REV3L: variants seen among roughly 807,000 people sequenced by gnomAD.
REV3L encodes the protein DNA polymerase zeta catalytic subunit.
In REV3L, 69 loss-of-function variants were observed where a neutral mutation model predicts 299.4. The ratio of observed to expected loss-of-function variants is 0.23; its 90% CI spans 0.19 to 0.28. REV3L has a LOEUF of 0.28. REV3L is among the 10% of genes least tolerant of loss of function. REV3L has a pLI of 1.00. For synonymous variants in REV3L, 1,238 were observed against 1,271.4 expected (o/e 0.97, Z 0.56); for missense variants, 3,128 against 3,693.8 (o/e 0.85, Z 3.97).
At chr6:111,331,150 G>A in intron 24 of REV3L, 2 of 378,388 alleles carry the variant, frequency 5.3e-6, no homozygotes, top group Non-Finnish European at 7.3e-6. Flanking sequence ...AATTTGTAAA[G>A]TTTTCCTCTG....
At chr6:111,474,736 TA>T (rs1792701338) in intron 1 of REV3L, among the ~76,000 whole-genome samples, 1 of 152,256 alleles carries the variant, frequency 6.6e-6, no homozygotes, top group Admixed American at 6.5e-5. Context: ...CATTTGTTTG[TA>T]ACAACTATTA....
At chr6:111,442,744 T>A (rs1788415703) in intron 1 of REV3L, among the ~76,000 whole-genome samples, 1 of 152,266 alleles carries the variant, frequency 6.6e-6, no homozygotes, top group African/African-American at 2.4e-5. Context: ...TTCTGCCTTA[T>A]CAGTTGTCTT....
chr6:111,430,750 T>A, intron 1 of REV3L: 3 of 1,575,058 alleles, frequency 1.9e-6, no homozygotes, highest in South Asian at 1.1e-5. Flanking sequence ...TTAAAAGCAA[T>A]AATTTAGAGA....
At position 111,381,343 on chromosome 6, in the gene REV3L, T is replaced by C. The variant is rs1780811077; in HGVS notation, c.1198A>G (p.Ser400Gly). Residue 400 changes from serine (S) to glycine (G), a missense_variant, in exon 10 of 32, where the codon AGT becomes GGT. Physicochemically the swap from Ser to Gly is moderately conservative, Grantham distance 56. This residue lies in a region of REV3L where 2,409 missense variants were observed against 2,611.8 expected (regional missense o/e 0.92). Coordinates refer to ENST00000368802, the MANE Select transcript of REV3L (RefSeq NM_001372078.1). ...TACTTACTGAAAACAGGTGACTCAC[T>C]CAGTCTTTGGGTCAAAGGCTGAAAA... is the stretch of plus-strand genomic sequence containing the variant. ...QTFQPLTQRLSESPVFMDSSP... is the reference protein window; with the variant it reads ...QTFQPLTQRLGESPVFMDSSP... 2 of 1,613,596 alleles carry C rather than the reference T, an allele frequency of 1.2e-6. No homozygotes were observed. Among genetic ancestry groups the C allele is most frequent in the Non-Finnish European group, 1.7e-6 (2 of 1,179,842 alleles).
In REV3L at chr6:111,359,138, T is replaced by G. The variant is rs1778386642; in HGVS notation, c.6880-124A>C. On this transcript the variant is annotated intron_variant, in intron 16 of 31. Transcript: ENST00000368802. ...GAAAAAATGGACATAAAGGACAAAGTCACAGCTCAGCAGCACTCCATATAT... is the reference window on the plus strand; with the variant it reads ...GAAAAAATGGACATAAAGGACAAAGGCACAGCTCAGCAGCACTCCATATAT... The G allele has an allele frequency of 8.5e-6, 6 of 708,502 alleles. No homozygotes were observed. In the South Asian group the frequency reaches 1.6e-4, roughly 19 times the overall value. 43.9% of individuals were successfully genotyped at this position (708,502 alleles called of 1,614,324 possible).
At chr6:111,398,232 G>C (rs1285223250) in intron 4 of REV3L, among the ~76,000 whole-genome samples, 1 of 151,738 alleles carries the variant, frequency 6.6e-6, no homozygotes, top group Non-Finnish European at 1.5e-5. Flanking sequence ...CAAACTATAG[G>C]AATGTTCCCT....
intron 21 of REV3L, among the ~76,000 whole-genome samples, chr6:111,341,416 A>C (rs1290694504): frequency 1.3e-5 from 2 of 152,132 alleles, no homozygotes; most frequent in Non-Finnish European, 2.9e-5. Flanking sequence ...ACTTCACTTC[A>C]CTTCCCTGAG....
At chr6:111,434,594 G>A (rs374469370) in intron 1 of REV3L, among the ~76,000 whole-genome samples, 57 of 151,030 alleles carry the variant, frequency 3.8e-4, no homozygotes, top group African/African-American at 1.3e-3. Context: ...ACTCTAGCCT[G>A]GGCGACAGGG....
At chr6:111,464,177 T>C (rs1354413379) in intron 1 of REV3L, among the ~76,000 whole-genome samples, 1 of 152,056 alleles carries the variant, frequency 6.6e-6, no homozygotes, top group Non-Finnish European at 1.5e-5. Flanking sequence ...ACCAGCGAAC[T>C]GTGCAAGGAG....
rs557518809 is a variant in REV3L, at chr6:111,369,653, G to A, written c.5760-1625C>T. ...CAATATAATGTTAAGTGAAAAATTT[G>A]GATATAATACTGTGACTATAGTAAG... On this transcript the variant is annotated intron_variant, in intron 13 of 31. Transcript: ENST00000368802. Among the ~76,000 whole-genome samples the A allele has an allele frequency of 7.9e-4, 120 of 151,920 alleles. 1 individual carries two copies. The South Asian group carries it at 0.023, about 30-fold the overall frequency.
rs1208972895 is a variant in REV3L at position 111,455,396 on chromosome 6, C to A, written c.139+27354G>T. On this transcript the variant is annotated intron_variant, in intron 1 of 31. Transcript: ENST00000368802. ...TGAGGTACATACATTTGAGCAAGAGCAAGCAGTTCAGACTGAAAAGCAAAG... is the reference window on the plus strand; with the variant it reads ...TGAGGTACATACATTTGAGCAAGAGAAAGCAGTTCAGACTGAAAAGCAAAG... Among the ~76,000 whole-genome samples the A allele has an allele frequency of 4.6e-5, 7 of 152,126 alleles. No homozygotes were observed. In the East Asian group the frequency reaches 1.4e-3, roughly 29 times the overall value.
rs765440178 is a variant in REV3L, at chr6:111,374,283, T to C, written c.4072A>G (p.Ile1358Val). ...GATAAATGATTGGAAAGGTCAAATA[T>C]ATTTTTTTGAATTAACGTTGATTCC... ...LKESTLIQKN[I>V]FDLSNHLSQV... The change falls in exon 13 of 32, where the codon ATA (isoleucine) becomes GTA (valine). Residue 1358 changes from isoleucine to valine, a missense_variant. Transcript: ENST00000368802. The C allele has an allele frequency of 6.2e-7, 1 of 1,613,586 alleles. No homozygotes were observed.
intron 1 of REV3L, among the ~76,000 whole-genome samples, chr6:111,431,955 A>AG (rs1456462367): frequency 4.6e-5 from 7 of 152,142 alleles, no homozygotes; most frequent in Non-Finnish European, 1.0e-4. Context: ...GCGGGACCTG[A>AG]GGAAAAAAAA....
chr6:111,437,298 G>A (rs1486073601), intron 1 of REV3L, among the ~76,000 whole-genome samples: 2 of 152,110 alleles, frequency 1.3e-5, no homozygotes, highest in Non-Finnish European at 2.9e-5. Flanking sequence ...AATATTCATA[G>A]CAGCATTATT....
At position 111,446,456 on chromosome 6, in the gene REV3L, C is replaced by T. The variant is rs562537636; in HGVS notation, c.140-29984G>A. Among the ~76,000 whole-genome samples, 9 of 152,218 alleles carry T rather than the reference C, an allele frequency of 5.9e-5. No individual in the cohort carries two copies. The South Asian group carries it at 1.7e-3, about 28-fold the overall frequency. On this transcript the variant is annotated intron_variant, in intron 1 of 31. Coordinates refer to ENST00000368802, the MANE Select transcript of REV3L (RefSeq NM_001372078.1). ...GGCTGGCTCACGCTTACAATCCCAG[C>T]GCTTTGGGAGGCCGAGGCGGGTGGA...
At chr6:111,452,126 T>C (rs910554960) in intron 1 of REV3L, among the ~76,000 whole-genome samples, 2 of 150,704 alleles carry the variant, frequency 1.3e-5, no homozygotes, top group Non-Finnish European at 2.9e-5. Context: ...TCTTAGACCT[T>C]AGGGAAATGA....
At chr6:111,469,310 T>C (rs1484264909) in intron 1 of REV3L, among the ~76,000 whole-genome samples, 2 of 152,152 alleles carry the variant, frequency 1.3e-5, no homozygotes, top group Non-Finnish European at 2.9e-5. Flanking sequence ...CTAAGAATAA[T>C]GCTGAAGGAT....
chr6:111,404,911 G>C (rs1214713412), intron 4 of REV3L, among the ~76,000 whole-genome samples: 1 of 152,086 alleles, frequency 6.6e-6, no homozygotes, highest in African/African-American at 2.4e-5. Context: ...ATGTTCAGTG[G>C]TGGAGGTGAT....
chr6:111,308,258 G>C, intron 30 of REV3L: 1 of 453,814 alleles, frequency 2.2e-6, no homozygotes, highest in Non-Finnish European at 4.4e-6. Context: ...TTGTAAAAAA[G>C]TTATTAGGTT....
Sources: gnomAD v4.1 joint callset for allele counts (sites outside exome capture counted in the v4.1 genomes callset) on GRCh38, gnomAD v4.1.1 for gene constraint, gnomAD v4.1.1 regional missense constraint, MANE v1.5 for transcripts, NCBI Gene and HGNC (gene_info 2026-07-23, HGNC 2026-07-21) for gene names.